The following RAPGEF4 variants were observed in gnomAD, a reference collection of about 807,000 sequenced individuals.
RAPGEF4 encodes the protein RAP guanine-nucleotide-exchange factor (GEF) 4.
A neutral mutation model predicts 147.9 loss-of-function variants in RAPGEF4; 66 were observed. That is an observed-to-expected ratio of 0.45 (90% CI 0.37 to 0.55). The LOEUF is 0.55. RAPGEF4 is among the 20% of genes least tolerant of loss of function. The pLI is 0.00. For missense variants in RAPGEF4, 1,071 were observed against 1,257.3 expected (o/e 0.85, Z 2.24); for synonymous variants, 419 against 442.7 (o/e 0.95, Z 0.67).
intron 4 of RAPGEF4, among the ~76,000 whole-genome samples, chr2:172,909,337 G>C: frequency 6.6e-6 from 1 of 152,194 alleles, no homozygotes; most frequent in East Asian, 1.9e-4. Context: ...CACTGATTCA[G>C]TGTTCTACTC....
At chr2:172,986,947 C>T (rs1221951089) in intron 12 of RAPGEF4, among the ~76,000 whole-genome samples, 2 of 152,158 alleles carry the variant, frequency 1.3e-5, no homozygotes, top group Admixed American at 6.5e-5. Flanking sequence ...ATCTGCCCGC[C>T]GTGGCCTCCC....
At chr2:172,934,256 T>G (rs1160345894) in intron 6 of RAPGEF4, among the ~76,000 whole-genome samples, 1 of 148,098 alleles carries the variant, frequency 6.8e-6, no homozygotes, top group Non-Finnish European at 1.5e-5. Context: ...TTCAAGCAAT[T>G]CCCCTGCCTC....
chr2:172,850,931 C>A (rs1559075316), intron 4 of RAPGEF4, among the ~76,000 whole-genome samples: 1 of 151,976 alleles, frequency 6.6e-6, no homozygotes, highest in Non-Finnish European at 1.5e-5. Flanking sequence ...TTTTTTGCAT[C>A]TCATTTTCAT....
intron 2 of RAPGEF4, among the ~76,000 whole-genome samples, chr2:172,796,370 G>C (rs1405360632): frequency 6.6e-6 from 1 of 152,146 alleles, no homozygotes; most frequent in Admixed American, 6.5e-5. Flanking sequence ...TGGATCAATA[G>C]GTCAGGAGAT....
intron 1 of RAPGEF4, among the ~76,000 whole-genome samples, chr2:172,794,268 A>T (rs542360087): frequency 1.4e-5 from 2 of 146,056 alleles, no homozygotes; most frequent in East Asian, 4.1e-4. Context: ...ATTCGCTTGA[A>T]CCCAGGAGGC....
intron 1 of RAPGEF4, among the ~76,000 whole-genome samples, chr2:172,793,225 A>G (rs1686003296): frequency 6.6e-6 from 1 of 152,098 alleles, no homozygotes; most frequent in South Asian, 2.1e-4. Context: ...GGTGCTAGTT[A>G]TTAGATTAGG....
At chr2:173,028,933 A>C (rs941385994) in intron 25 of RAPGEF4, among the ~76,000 whole-genome samples, 2 of 152,224 alleles carry the variant, frequency 1.3e-5, no homozygotes, top group African/African-American at 4.8e-5. Flanking sequence ...CATGACTTAC[A>C]TAGGGTAATA....
chr2:172,865,419 C>G (rs1425498116), intron 4 of RAPGEF4, among the ~76,000 whole-genome samples: 1 of 152,160 alleles, frequency 6.6e-6, no homozygotes, highest in East Asian at 1.9e-4. Flanking sequence ...AAGTCTAACT[C>G]CAGGAAGCCT....
chr2:172,759,972 A>G (rs1696139083), intron 1 of RAPGEF4, among the ~76,000 whole-genome samples: 2 of 152,146 alleles, frequency 1.3e-5, no homozygotes. Flanking sequence ...AATTCCTTGA[A>G]TTTTCTCTTT....
intron 4 of RAPGEF4, among the ~76,000 whole-genome samples, chr2:172,874,291 C>A (rs1695602860): frequency 2.0e-5 from 3 of 152,102 alleles, no homozygotes; most frequent in Non-Finnish European, 4.4e-5. Context: ...GATACATGTG[C>A]ACAATGTGCA....
At chr2:172,902,873 C>G (rs1357205279) in intron 4 of RAPGEF4, among the ~76,000 whole-genome samples, 1 of 152,090 alleles carries the variant, frequency 6.6e-6, no homozygotes, top group East Asian at 1.9e-4. Flanking sequence ...CTTCCAAAAC[C>G]ACACAGAGCT....
At chr2:172,887,619 A>C (rs1697389798) in intron 4 of RAPGEF4, among the ~76,000 whole-genome samples, 1 of 152,180 alleles carries the variant, frequency 6.6e-6, no homozygotes, top group Non-Finnish European at 1.5e-5. Context: ...AGCTGCAACC[A>C]ATACTGTATG....
intron 23 of RAPGEF4, among the ~76,000 whole-genome samples, chr2:173,023,679 C>T (rs940435552): frequency 2.0e-5 from 3 of 152,168 alleles, no homozygotes; most frequent in Admixed American, 1.3e-4. Context: ...CCAGCATCCA[C>T]GACTAAAAGA....
intron 6 of RAPGEF4, among the ~76,000 whole-genome samples, chr2:172,939,188 A>G (rs1347721145): frequency 1.3e-5 from 2 of 152,224 alleles, no homozygotes; most frequent in Non-Finnish European, 2.9e-5. Flanking sequence ...TAGGAGCACA[A>G]TTGCTAGATT....
At chr2:172,897,373 G>A (rs1698585149) in intron 4 of RAPGEF4, among the ~76,000 whole-genome samples, 1 of 152,136 alleles carries the variant, frequency 6.6e-6, no homozygotes, top group South Asian at 2.1e-4. Context: ...TCTCTAGGAT[G>A]CTGGGTTTTT....
At chr2:172,983,283 G>C (rs1237099945) in intron 10 of RAPGEF4, among the ~76,000 whole-genome samples, 2 of 152,142 alleles carry the variant, frequency 1.3e-5, no homozygotes, top group Non-Finnish European at 2.9e-5. Context: ...GGATCCTGTG[G>C]ACTTTGGCTT....
At chr2:172,963,062 C>T (rs1689462044) in intron 8 of RAPGEF4, among the ~76,000 whole-genome samples, 1 of 152,088 alleles carries the variant, frequency 6.6e-6, no homozygotes, top group Non-Finnish European at 1.5e-5. Flanking sequence ...CACATCATAC[C>T]ATGGCAGAGC....
intron 4 of RAPGEF4, among the ~76,000 whole-genome samples, chr2:172,905,578 C>T (rs183488955): frequency 8.5e-5 from 13 of 152,314 alleles, no homozygotes; most frequent in African/African-American, 2.9e-4. Flanking sequence ...GGGCTTTGTC[C>T]ACAACTTTAT....
chr2:173,023,336 G>C (rs1267026026), intron 23 of RAPGEF4, among the ~76,000 whole-genome samples: 1 of 152,186 alleles, frequency 6.6e-6, no homozygotes, highest in East Asian at 1.9e-4. Flanking sequence ...TGGGAGTTCT[G>C]TGTCTGTGGG....
Sources: gnomAD v4.1 joint callset for allele counts (sites outside exome capture counted in the v4.1 genomes callset) on GRCh38, gnomAD v4.1.1 for gene constraint, MANE v1.5 for transcripts, NCBI Gene and HGNC (gene_info 2026-07-23, HGNC 2026-07-21) for gene names.